Variants in PPP1CB observed in about 807,000 individuals in gnomAD.
The protein encoded by PPP1CB is protein phosphatase 1 catalytic subunit beta, also known as serine/threonine-protein phosphatase PP1-beta catalytic subunit.
PPP1CB carries 2 observed loss-of-function variants against 43.7 expected under a neutral mutation model. The observed-to-expected ratio is 0.05, with a 90% CI of 0.02 to 0.14. The LOEUF (loss-of-function observed/expected upper bound fraction) is 0.14. PPP1CB is among the 10% of genes least tolerant of loss of function. The probability of loss-of-function intolerance (pLI) is 1.00; values close to 1 mark genes in which losing one functional copy is unlikely to be tolerated. For missense variants in PPP1CB, 84 were observed against 398.0 expected, an observed-to-expected ratio of 0.21 and a Z score of 6.71; for synonymous variants, 136 against 135.6, an observed-to-expected ratio of 1.00 and a Z score of -0.02.
chr2:28,784,938 A>G (rs1366038506), intron 5 of PPP1CB, among the ~76,000 whole-genome samples: 1 of 120,102 alleles, frequency 8.3e-6, no homozygotes, highest in Non-Finnish European at 1.8e-5. Flanking sequence ...AAAAAAAGAA[A>G]AAAGAAACAA....
At chr2:28,772,093 GATT>G (rs936201846) in intron 1 of PPP1CB, among the ~76,000 whole-genome samples, 34 of 152,272 alleles carry the variant, frequency 2.2e-4, no homozygotes, top group Admixed American at 1.9e-3. Context: ...AAGGCGGGGA[GATT>G]ATTTGAGGTT....
At chr2:28,777,807 C>G (rs2148049447) in intron 2 of PPP1CB, among the ~76,000 whole-genome samples, 1 of 152,284 alleles carries the variant, frequency 6.6e-6, no homozygotes, top group South Asian at 2.1e-4. Flanking sequence ...TGTGAGCCAC[C>G]ACGTCTAGCT....
chr2:28,752,285 G>T, intron 1 of PPP1CB, 109 bp downstream of exon 1: 2 of 1,026,114 alleles, frequency 1.9e-6, no homozygotes, highest in Non-Finnish European at 2.8e-6. Flanking sequence ...GCCCCGAGAC[G>T]AGTCTCTGGG....
chr2:28,801,452 C>G lies in PPP1CB; in HGVS notation c.*2149C>G, dbSNP rs1667614198. On this transcript the variant is annotated 3_prime_UTR_variant, in exon 8 of 8. Coordinates refer to ENST00000395366, the MANE Select transcript of PPP1CB (RefSeq NM_002709.3). Reference sequence around the variant, plus strand: ...GAATCCTTTTTTTTTTTTTTAAAGACTAAATGTGAAAAAATAATCACTACT... The same window carrying G: ...GAATCCTTTTTTTTTTTTTTAAAGAGTAAATGTGAAAAAATAATCACTACT... The G allele has an allele frequency of 6.8e-6, 1 of 147,708 alleles. No individual in the cohort carries two copies. Among genetic ancestry groups the G allele is most frequent in the African/African-American group, 2.5e-5 (1 of 39,946 alleles). 9.1% of individuals were successfully genotyped at this position (147,708 alleles called of 1,614,324 possible). A position where few individuals can be genotyped will look rare whatever the true frequency, so the allele number is the denominator to read the frequency against.
intron 1 of PPP1CB, among the ~76,000 whole-genome samples, chr2:28,763,451 G>GAA (rs11419223): frequency 7.0e-4 from 103 of 147,818 alleles, no homozygotes; most frequent in East Asian, 3.0e-3. Flanking sequence ...CAGTGCAGTG[G>GAA]AAAAAAAAAA....
chr2:28,784,913 G>A (rs1667227832), intron 5 of PPP1CB, among the ~76,000 whole-genome samples: 2 of 58,310 alleles, frequency 3.4e-5, no homozygotes, highest in Admixed American at 2.6e-4. Context: ...GAGTGAAACT[G>A]TCTCAAAAAA....
At chr2:28,772,164 T>C (rs1205731844) in intron 1 of PPP1CB, among the ~76,000 whole-genome samples, 1 of 151,856 alleles carries the variant, frequency 6.6e-6, no homozygotes, top group Non-Finnish European at 1.5e-5. Context: ...AAAAATTAGC[T>C]GGGCATGGTG....
At chr2:28,761,351 TG>T (rs1195430317) in intron 1 of PPP1CB, among the ~76,000 whole-genome samples, 1 of 152,214 alleles carries the variant, frequency 6.6e-6, no homozygotes, top group African/African-American at 2.4e-5. Context: ...CTCAGTTAAG[TG>T]TTTACTCAAA....
chr2:28,776,205 G>A (rs1431119662), intron 1 of PPP1CB, among the ~76,000 whole-genome samples: 6 of 150,532 alleles, frequency 4.0e-5, no homozygotes, highest in East Asian at 1.9e-4. Context: ...TAAAGGGTGC[G>A]GGCTCTGAAA....
chr2:28,768,191 T>A (rs931065413), intron 1 of PPP1CB, among the ~76,000 whole-genome samples: 4 of 152,128 alleles, frequency 2.6e-5, no homozygotes, highest in Non-Finnish European at 5.9e-5. Context: ...GGGAAGCGTA[T>A]AGTGTGAGCT....
In PPP1CB at chr2:28,776,832, T is replaced by G. The variant is rs749325712; in HGVS notation, c.53-19T>G. Reference sequence around the variant, plus strand: ...GAGTAAATTTTAGAAAACTGACTGTTTTATTTATCGTTTGTCAGTACGAGG... The same window carrying G: ...GAGTAAATTTTAGAAAACTGACTGTGTTATTTATCGTTTGTCAGTACGAGG... On this transcript the variant is annotated intron_variant, in intron 1 of 7. Coordinates refer to ENST00000395366, the MANE Select transcript of PPP1CB (RefSeq NM_002709.3). The G allele has an allele frequency of 7.5e-5, 119 of 1,583,088 alleles. No homozygotes were observed. The highest frequency in any genetic ancestry group is 1.0e-4 in the Non-Finnish European group (117 of 1,158,834).
At chr2:28,752,236 T>G in intron 1 of PPP1CB, 60 bp downstream of exon 1, 7 of 1,433,478 alleles carry the variant, frequency 4.9e-6, no homozygotes, top group Non-Finnish European at 6.6e-6. Flanking sequence ...GACCCCTGCG[T>G]CCCCGTCTGC....
chr2:28,784,837 T>G (rs747916784), intron 5 of PPP1CB, among the ~76,000 whole-genome samples: 8 of 148,144 alleles, frequency 5.4e-5, no homozygotes, highest in Non-Finnish European at 1.0e-4. Context: ...CGAGAATTGC[T>G]TGAACCTGGG....
intron 1 of PPP1CB, among the ~76,000 whole-genome samples, chr2:28,771,872 G>A (rs1487809238): frequency 6.6e-6 from 1 of 150,592 alleles, no homozygotes; most frequent in Non-Finnish European, 1.5e-5. Flanking sequence ...GATTTTTTAA[G>A]ATTTAAATTC....
intron 1 of PPP1CB, among the ~76,000 whole-genome samples, chr2:28,770,134 G>A (rs1396781802): frequency 1.3e-5 from 2 of 151,906 alleles, no homozygotes; most frequent in Non-Finnish European, 2.9e-5. Flanking sequence ...CTGGGCGTGG[G>A]TGCCTGTAAT....
upstream of PPP1CB, chr2:28,751,628 G>C (rs948025923): frequency 5.8e-6 from 1 of 170,974 alleles, no homozygotes; most frequent in African/African-American, 2.4e-5. Context: ...TGGACGTGGA[G>C]AGAGGGCGAC....
chr2:28,761,298 A>G (rs1204908974), intron 1 of PPP1CB, among the ~76,000 whole-genome samples: 4 of 152,202 alleles, frequency 2.6e-5, no homozygotes, highest in African/African-American at 7.2e-5. Flanking sequence ...CGGACTCCCA[A>G]CTACTAGAAT....
intron 1 of PPP1CB, among the ~76,000 whole-genome samples, chr2:28,770,262 CAAAAA>C (rs911179930): frequency 2.0e-5 from 3 of 150,664 alleles, no homozygotes; most frequent in African/African-American, 4.9e-5. Flanking sequence ...GACTCCATCT[CAAAAA>C]GAAAAGGAGC....
chr2:28,771,055 C>CCCCTT (rs1558302176), intron 1 of PPP1CB, among the ~76,000 whole-genome samples: 8 of 59,602 alleles, frequency 1.3e-4, no homozygotes, highest in Admixed American at 2.0e-4. Context: ...CCCCCCCACC[C>CCCCTT]TTTTTTTTTT....
Sources: allele counts gnomAD v4.1 joint callset (sites outside exome capture counted in the v4.1 genomes callset), GRCh38; gene constraint gnomAD v4.1.1; transcripts MANE v1.5; gene names NCBI Gene and HGNC (gene_info 2026-07-23, HGNC 2026-07-21).